Variants in CCDC14 observed in about 807,000 individuals in gnomAD.
CCDC14 encodes the protein coiled-coil domain-containing protein 14.
In CCDC14, 71 loss-of-function variants were observed where a neutral mutation model predicts 81.4. That is an observed-to-expected ratio of 0.87 (90% CI 0.72 to 1.06). CCDC14 has a LOEUF of 1.06. Among genes scored for constraint, CCDC14 ranks in the 50% least tolerant of loss-of-function variants. The pLI is 0.00. For synonymous variants in CCDC14, 332 were observed against 364.8 expected (o/e 0.91, Z 1.03); for missense variants, 1,046 against 1,047.3 (o/e 1.00, Z 0.02).
At chr3:123,936,742 C>T (rs1167563750) in intron 9 of CCDC14, among the ~76,000 whole-genome samples, 1 of 151,974 alleles carries the variant, frequency 6.6e-6, no homozygotes, top group Non-Finnish European at 1.5e-5. Flanking sequence ...CTATTGTGTA[C>T]TGGGCTTAAT....
intron 3 of CCDC14, 53 bp from the exon 4 acceptor site, chr3:123,956,168 G>GA: frequency 7.0e-7 from 1 of 1,427,830 alleles, no homozygotes; most frequent in African/African-American, 1.5e-5. Flanking sequence ...GTTAGTGTAG[G>GA]AAAAAATATA....
rs2034515070 is a variant in CCDC14, at chr3:123,913,854, C to G, written c.*925G>C. On this transcript the variant is annotated 3_prime_UTR_variant, in exon 13 of 13. Transcript: ENST00000409697. ...CCTAAGAGTTAAAACGTGCTGCTTA[C>G]ATGAAGGGAGATGATACTGAGCTAA... The G allele has an allele frequency of 2.0e-6, 2 of 985,156 alleles. No homozygotes were observed. Among genetic ancestry groups the G allele is most frequent in the Non-Finnish European group, 2.4e-6 (2 of 829,918 alleles). The allele number at this position is 985,156 out of a possible 1,614,324, so 61.0% of individuals were successfully genotyped here.
At chr3:123,933,409 T>C in intron 10 of CCDC14, 1 of 411,678 alleles carries the variant, frequency 2.4e-6, no homozygotes, top group Non-Finnish European at 4.3e-6. Context: ...TATTTGTGCC[T>C]GGCACACAGT....
intron 7 of CCDC14, among the ~76,000 whole-genome samples, 172 bp downstream of exon 7, chr3:123,948,519 C>T (rs1227012222): frequency 6.6e-6 from 1 of 152,074 alleles, no homozygotes; most frequent in Non-Finnish European, 1.5e-5. Context: ...GGATTACAGG[C>T]GTTTAGCCAC....
rs2037670973 is a variant in CCDC14, at chr3:123,961,208, A to C, written c.-35T>G. On this transcript the variant is annotated 5_prime_UTR_variant, in exon 1 of 13. Coordinates refer to ENST00000409697, the MANE Select transcript of CCDC14 (RefSeq NM_001366335.1). ...CCTCAGAGAAGCCCAGACCGAGGGA[A>C]GTGAAGCCTCACGGTAAAAAGAATT... is the stretch of plus-strand genomic sequence containing the variant. The C allele has an allele frequency of 6.4e-7, 1 of 1,551,594 alleles. No individual in the cohort carries two copies. The highest frequency in any genetic ancestry group is 1.4e-5 in the African/African-American group (1 of 73,160).
chr3:123,897,777 T>C (rs1191493382), intron 5 of CCDC14, among the ~76,000 whole-genome samples: 8 of 152,104 alleles, frequency 5.3e-5, no homozygotes, highest in Non-Finnish European at 8.8e-5. Context: ...AAAAACACTG[T>C]AGAAGTTTAT....
intron 5 of CCDC14, chr3:123,955,029 A>G (rs1380097756): frequency 6.6e-6 from 1 of 152,132 alleles, no homozygotes; most frequent in Non-Finnish European, 1.5e-5. Context: ...CTCTAGTCCC[A>G]TGAATGCTCT....
In CCDC14 at chr3:123,946,002, G is replaced by GTAT. The variant is rs139051585; in HGVS notation, c.1201+798_1201+800dup. On this transcript the variant is annotated intron_variant, in intron 8 of 12. Transcript: ENST00000409697. ...AGTGTTCAATAAATGACAGCTAATG[G>GTAT]TATTATTATTATTACCATGATTATG... is the stretch of plus-strand genomic sequence containing the variant. Among the ~76,000 whole-genome samples, 998 of 152,088 alleles carry GTAT rather than the reference G, an allele frequency of 6.6e-3. 7 individuals carry two copies. The highest frequency in any genetic ancestry group is 0.021 in the African/African-American group (885 of 41,464).
downstream of CCDC14, among the ~76,000 whole-genome samples, chr3:123,894,395 C>T (rs902593602): frequency 3.3e-5 from 5 of 152,130 alleles, no homozygotes; most frequent in African/African-American, 1.2e-4. Context: ...AGTATGAAAC[C>T]TTCAATTTTG....
At chr3:123,933,497 AAAAC>A (rs1038119502) in intron 10 of CCDC14, 172 bp downstream of exon 10, 19 of 580,666 alleles carry the variant, frequency 3.3e-5, no homozygotes, top group Admixed American at 6.3e-5. Context: ...CCTGTATTTC[AAAAC>A]AAACAAACAA....
chr3:123,924,954 T>C (rs200626041), intron 12 of CCDC14, among the ~76,000 whole-genome samples: 362 of 147,380 alleles, frequency 2.5e-3, no homozygotes, highest in African/African-American at 6.5e-3. Context: ...TATACATATA[T>C]ACACACACAC....
chr3:123,925,107 AACATATT>A (rs2148826347), intron 12 of CCDC14, among the ~76,000 whole-genome samples: 1 of 150,936 alleles, frequency 6.6e-6, no homozygotes, highest in South Asian at 2.1e-4. Context: ...GTGGCATATA[AACATATT>A]GGAATACTAC....
intron 12 of CCDC14, among the ~76,000 whole-genome samples, chr3:123,921,906 T>A (rs1020304869): frequency 1.3e-5 from 2 of 152,182 alleles, no homozygotes; most frequent in African/African-American, 4.8e-5. Flanking sequence ...TATAGAACAT[T>A]CCATCCTACA....
chr3:123,931,600 T>A (rs2035717224), intron 10 of CCDC14, 74 bp from the exon 11 acceptor site: 4 of 527,508 alleles, frequency 7.6e-6, no homozygotes, highest in Non-Finnish European at 6.0e-6. Context: ...ACCTGTTTCT[T>A]AAAAAAAAAA....
At position 123,931,322 on chromosome 3, in the gene CCDC14, G is replaced by A. The variant is rs1422217412; in HGVS notation, c.1631C>T (p.Thr544Ile). 2 of 1,526,392 alleles carry A rather than the reference G, an allele frequency of 1.3e-6. No homozygotes were observed. Among genetic ancestry groups the A allele is most frequent in the Non-Finnish European group, 1.8e-6 (2 of 1,123,982 alleles). 94.6% of individuals were successfully genotyped at this position (1,526,392 alleles called of 1,614,324 possible). A position where few individuals can be genotyped will look rare whatever the true frequency, so the allele number is the denominator to read the frequency against. Residue 544 changes from threonine (T) to isoleucine (I), a missense_variant, in exon 11 of 13, where the codon ACA becomes ATA. By Grantham distance (89) the Thr-to-Ile change is moderately conservative. Transcript: ENST00000409697. ...TAAATACGTACCAATTTTTATTCTT[G>A]TTATCTCAATATCATATTGCTGTTT... ...ENKQQYDIEI[T>I]RIKIELEEAL...
the CCDC14 span, among the ~76,000 whole-genome samples, chr3:123,885,905 G>A: frequency 1.3e-5 from 2 of 152,096 alleles, no homozygotes; most frequent in East Asian, 3.9e-4. Flanking sequence ...TGATTACCCT[G>A]AGATAGGAAA....
In CCDC14 at chr3:123,902,866, T is replaced by C. The variant is rs568950243; in HGVS notation, c.668-5253A>G. 2.6e-5 allele frequency among the ~76,000 whole-genome samples: 4 copies of C among 152,294 alleles called. No individual in the cohort carries two copies. In the South Asian group the frequency reaches 8.3e-4, roughly 32 times the overall value. On this transcript the variant is annotated intron_variant, in intron 5 of 5. Coordinates refer to the CCDC14 transcript ENST00000479903. ...GTGCTGAACATGCAGGTTTGTTACA[T>C]AGGTATACATGTGCCATGGTGGTTT...
At chr3:123,959,006 T>C (rs1435170070) in intron 1 of CCDC14, 5 of 152,204 alleles carry the variant, frequency 3.3e-5, no homozygotes. Context: ...TAATAGTCCA[T>C]TGTATGTATA....
At chr3:123,942,358 A>G (rs1168791385) in intron 9 of CCDC14, among the ~76,000 whole-genome samples, 1 of 152,064 alleles carries the variant, frequency 6.6e-6, no homozygotes, top group African/African-American at 2.4e-5. Flanking sequence ...GCTGTTCATT[A>G]TTTTATTATT....
Sources: allele counts gnomAD v4.1 joint callset (sites outside exome capture counted in the v4.1 genomes callset), GRCh38; gene constraint gnomAD v4.1.1; transcripts MANE v1.5; gene names NCBI Gene and HGNC (gene_info 2026-07-23, HGNC 2026-07-21).